The following ROBO2 variants were observed in gnomAD, a reference collection of about 807,000 sequenced individuals.
ROBO2 encodes roundabout guidance receptor 2.
In ROBO2, 53 loss-of-function variants were observed where a neutral mutation model predicts 160.8. The observed-to-expected ratio is 0.33, with a 90% CI of 0.26 to 0.41. The LOEUF is 0.41. ROBO2 is among the 10% of genes least tolerant of loss of function. The pLI, the probability that ROBO2 is intolerant of heterozygous loss-of-function variation, is 1.00. For missense variants in ROBO2, 1,577 were observed against 1,722.4 expected, an observed-to-expected ratio of 0.92 and a Z score of 1.49; for synonymous variants, 664 against 611.7, an observed-to-expected ratio of 1.09 and a Z score of -1.26.
chr3:76,984,945 T>C (rs2060292984), intron 2 of ROBO2, among the ~76,000 whole-genome samples: 1 of 152,168 alleles, frequency 6.6e-6, no homozygotes, highest in Admixed American at 6.5e-5. Context: ...TGAATATCTT[T>C]AATATAATTT....
At chr3:77,355,245 G>A (rs2068944087) in intron 2 of ROBO2, among the ~76,000 whole-genome samples, 1 of 151,948 alleles carries the variant, frequency 6.6e-6, no homozygotes, top group African/African-American at 2.4e-5. Flanking sequence ...GCATACCCTA[G>A]GAGTTTGGCT....
intron 2 of ROBO2, among the ~76,000 whole-genome samples, chr3:76,767,418 G>A (rs867994004): frequency 1.3e-5 from 2 of 151,508 alleles, no homozygotes; most frequent in Admixed American, 6.6e-5. Flanking sequence ...CTTCTTGTTC[G>A]AAGAACGATT....
intron 6 of ROBO2, among the ~76,000 whole-genome samples, chr3:77,542,336 G>A (rs57355668): frequency 0.042 from 6,421 of 152,126 alleles, 470 homozygotes; most frequent in African/African-American, 0.15. Context: ...TCACAGACTT[G>A]AATACTCTTC....
rs201985139 is a variant in ROBO2 at position 76,048,467 on chromosome 3, T to TTG, written c.109+110867_109+110868dup. On this transcript the variant is annotated intron_variant, in intron 2 of 26. Transcript: ENST00000487694. The stretch of plus-strand genomic sequence containing the variant: ...ATAGTGATAAGCCAGAAAAATGAGT[T>TTG]TGTACATAAACTGCAAATATTTTTA... Among the ~76,000 whole-genome samples, 189 of 152,318 alleles carry TTG rather than the reference T, an allele frequency of 1.2e-3. 3 individuals are homozygous for TTG. The highest frequency in any genetic ancestry group is 0.012 in the East Asian group (62 of 5,182).
At chr3:77,071,604 G>A (rs1244309778) in intron 1 of ROBO2, among the ~76,000 whole-genome samples, 2 of 152,186 alleles carry the variant, frequency 1.3e-5, no homozygotes, top group African/African-American at 4.8e-5. Flanking sequence ...CAGCTTGCCT[G>A]AGGGTCACGG....
intron 2 of ROBO2, among the ~76,000 whole-genome samples, chr3:77,026,941 G>A (rs2063005618): frequency 6.6e-6 from 1 of 152,020 alleles, no homozygotes; most frequent in African/African-American, 2.4e-5. Context: ...GTTTTTCTTT[G>A]GTATAAAAAG....
upstream of ROBO2, among the ~76,000 whole-genome samples, chr3:77,038,456 GC>G (rs767562214): frequency 1.7e-4 from 26 of 151,988 alleles, no homozygotes; most frequent in Non-Finnish European, 3.4e-4. Context: ...AACACACAGC[GC>G]CCATAATATG....
chr3:76,243,958 TGGG>T (rs1052639909), intron 2 of ROBO2, among the ~76,000 whole-genome samples: 6 of 152,036 alleles, frequency 3.9e-5, no homozygotes, highest in African/African-American at 1.2e-4. Context: ...GAAGGGAGCT[TGGG>T]GGAGGAGCTG....
intron 6 of ROBO2, 113 bp from the exon 8 acceptor site, chr3:77,546,225 C>G: frequency 1.8e-6 from 2 of 1,126,750 alleles, no homozygotes; most frequent in Admixed American, 3.9e-5. Context: ...AAATAAAAAA[C>G]TGTAGTCTCT....
At chr3:76,911,158 A>G (rs990110431) in intron 2 of ROBO2, among the ~76,000 whole-genome samples, 1 of 152,182 alleles carries the variant, frequency 6.6e-6, no homozygotes, top group African/African-American at 2.4e-5. Context: ...CATTTTCAGG[A>G]TGAAAAACAT....
At chr3:76,270,723 A>T (rs537123027) in intron 2 of ROBO2, among the ~76,000 whole-genome samples, 1 of 152,244 alleles carries the variant, frequency 6.6e-6, no homozygotes, top group South Asian at 2.1e-4. Flanking sequence ...ACAAAAAGAA[A>T]GAAGGAAGGG....
At chr3:76,084,944 G>A (rs1220619576) in intron 2 of ROBO2, among the ~76,000 whole-genome samples, 2 of 152,042 alleles carry the variant, frequency 1.3e-5, no homozygotes, top group South Asian at 2.1e-4. Flanking sequence ...GTCTGAATTA[G>A]TACCCAACTA....
chr3:77,055,048 T>G (rs988917810), intron 1 of ROBO2, among the ~76,000 whole-genome samples: 1 of 151,404 alleles, frequency 6.6e-6, no homozygotes, highest in Non-Finnish European at 1.5e-5. Flanking sequence ...GGTGCAACAA[T>G]AAGTAGAGAA....
intron 2 of ROBO2, among the ~76,000 whole-genome samples, chr3:76,618,310 T>C (rs927227700): frequency 8.6e-5 from 13 of 151,670 alleles, no homozygotes; most frequent in Admixed American, 7.9e-4. Flanking sequence ...ACCATTACTG[T>C]TGATTATAAT....
At chr3:76,222,985 C>T (rs1450813130) in intron 2 of ROBO2, among the ~76,000 whole-genome samples, 1 of 151,958 alleles carries the variant, frequency 6.6e-6, no homozygotes, top group East Asian at 2.0e-4. Flanking sequence ...AAGTTCCTTA[C>T]CTCAGGTTAT....
chr3:77,317,529 A>C, intron 2 of ROBO2: 1 of 1,406,674 alleles, frequency 7.1e-7, no homozygotes, highest in South Asian at 1.2e-5. Flanking sequence ...ATCAAGCTTT[A>C]TTAAGCCAAT....
chr3:77,406,773 C>G (rs1026141868), intron 2 of ROBO2, among the ~76,000 whole-genome samples: 1 of 152,054 alleles, frequency 6.6e-6, no homozygotes, highest in African/African-American at 2.4e-5. Context: ...TCCCATTTCT[C>G]GGAGACAAGT....
At chr3:76,958,815 TG>T (rs1395668584) in intron 2 of ROBO2, among the ~76,000 whole-genome samples, 2 of 152,098 alleles carry the variant, frequency 1.3e-5, no homozygotes, top group Non-Finnish European at 2.9e-5. Flanking sequence ...ACATCCTTTT[TG>T]TCCATCGTGT....
intron 2 of ROBO2, among the ~76,000 whole-genome samples, chr3:76,442,655 G>T (rs1367919343): frequency 1.3e-5 from 2 of 152,066 alleles, no homozygotes; most frequent in African/African-American, 4.8e-5. Context: ...GTTTCAAATT[G>T]CATGCTCTTC....
Sources: allele counts gnomAD v4.1 joint callset (sites outside exome capture counted in the v4.1 genomes callset), GRCh38; gene constraint gnomAD v4.1.1; transcripts MANE v1.5; gene names NCBI Gene and HGNC (gene_info 2026-07-23, HGNC 2026-07-21).